CIC: variants seen among roughly 807,000 people sequenced by gnomAD.
The protein encoded by CIC is protein capicua homolog.
A neutral mutation model predicts 115.7 loss-of-function variants in CIC; 18 were observed. The observed-to-expected ratio is 0.16, with a 90% CI of 0.11 to 0.23. The LOEUF (loss-of-function observed/expected upper bound fraction) is 0.23, where lower values mean the gene tolerates loss of function less well. CIC is among the 10% of genes least tolerant of loss of function. The probability of loss-of-function intolerance (pLI) is 1.00; values close to 1 mark genes in which losing one functional copy is unlikely to be tolerated. For missense variants in CIC, 2,000 were observed against 2,159.3 expected (o/e 0.93, Z 1.46); for synonymous variants, 1,076 against 923.0 (o/e 1.17, Z -3.01).
rs775237287 is a variant in CIC at position 42,292,098 on chromosome 19, A to T, written c.5626A>T (p.Thr1876Ser). 2.5e-6 allele frequency: 4 copies of T among 1,613,166 alleles called. No homozygotes were observed. The highest frequency in any genetic ancestry group is 3.4e-6 in the Non-Finnish European group (4 of 1,179,892). The change falls in exon 13 of 21, where the codon ACC becomes TCC. Residue 1876 changes from threonine to serine, a missense_variant. Transcript: ENST00000681038. ...AQPPSKIIQL[T>S]PVPVSTPSGL... ...CCCTTCTCCACAGATCATCCAGCTGACCCCGGTGCCTGTGAGCACACCCAG... is the reference window on the plus strand; with the variant it reads ...CCCTTCTCCACAGATCATCCAGCTGTCCCCGGTGCCTGTGAGCACACCCAG...
In CIC at chr19:42,290,891, G is replaced by A. The variant is rs1447243957; in HGVS notation, c.4850G>A (p.Arg1617Lys). The change falls in exon 11 of 21, where the codon AGG becomes AAG. Residue 1617 changes from arginine (R) to lysine (K), a missense_variant. Around this residue, in one of 8 missense-constraint regions of CIC, gnomAD observed 1,466 missense variants for 1,390.4 expected, o/e 1.05. Coordinates refer to ENST00000681038, the MANE Select transcript of CIC (RefSeq NM_001386298.1). ...EASPNDTAGA[R>K]TEMGTGSRVP... ...TCTCCAAATGACACAGCAGGTGCCA[G>A]GACTGAAATGGGCACTGGGTCTCGG... 1.2e-6 allele frequency: 2 copies of A among 1,613,272 alleles called. No homozygotes were observed. Among genetic ancestry groups the A allele is most frequent in the African/African-American group, 1.3e-5 (1 of 74,940 alleles).
At chr19:42,288,771 C>T (rs985971667) in intron 7 of CIC, 117 bp from the exon 8 acceptor site, 4 of 903,494 alleles carry the variant, frequency 4.4e-6, no homozygotes, top group Admixed American at 4.0e-5. Context: ...CACCAAGTGG[C>T]CCAGAAATTC....
rs143623952 is a variant in CIC at position 42,291,849 on chromosome 19, C to A, written c.5613+104C>A. The A allele has an allele frequency of 7.0e-4, 1,012 of 1,452,052 alleles. 5 individuals are homozygous for A. In the African/African-American group the frequency reaches 0.013, roughly 18 times the overall value. 89.9% of individuals were successfully genotyped at this position (1,452,052 alleles called of 1,614,324 possible). ...TTTCTCCTTCTCCATGTATCTGGTT[C>A]TCTGTCTTGCCATCTTCCGTGATGT... On this transcript the variant is annotated intron_variant, in intron 12 of 20. Transcript: ENST00000681038.
chr19:42,284,057 T>C (rs998957646), intron 2 of CIC: 1 of 129,796 alleles, frequency 7.7e-6, no homozygotes. Flanking sequence ...CGCGTAGTAG[T>C]GGCGGGGCGG....
Position 42,273,367 on chromosome 19 carries a change from A to G in CIC, c.1584A>G (p.Arg528=), listed in dbSNP as rs1454700855. 1 of 398,454 alleles carries G rather than the reference A, an allele frequency of 2.5e-6. No individual in the cohort carries two copies. The highest frequency in any genetic ancestry group is 4.4e-6 in the Non-Finnish European group (1 of 225,950). 24.7% of individuals were successfully genotyped at this position (398,454 alleles called of 1,614,324 possible). ...RGYCSRHLSM[R]TKEMEGLADS... is the part of the protein sequence containing the mutation. ...ACTGCTCACGCCACCTGTCCATGCGAACCAAAGAGATGGAAGGCCTGGCAG... is the reference window on the plus strand; with the variant it reads ...ACTGCTCACGCCACCTGTCCATGCGGACCAAAGAGATGGAAGGCCTGGCAG... The change falls in exon 2 of 21, where the codon CGA becomes CGG. Residue 528 remains arginine, a synonymous_variant. Coordinates refer to ENST00000681038, the MANE Select transcript of CIC (RefSeq NM_001386298.1).
rs999900414 is a variant in CIC, at chr19:42,273,135, G to A, written c.1352G>A (p.Gly451Asp). ...PSPCQEGSQG[G>D]SRSSSVASLE... ...CCCTGCCAGGAGGGGAGCCAGGGCG[G>A]CAGCCGCAGCAGCAGCGTGGCCTCC... The change falls in exon 2 of 21, where the codon GGC (glycine) becomes GAC (aspartate). Residue 451 changes from glycine (G) to aspartate (D), a missense_variant. Around this residue, in one of 8 missense-constraint regions of CIC, gnomAD observed 222 missense variants for 247.7 expected, o/e 0.90. Coordinates refer to ENST00000681038, the MANE Select transcript of CIC (RefSeq NM_001386298.1). 1 of 398,326 alleles carries A rather than the reference G, an allele frequency of 2.5e-6. No individual in the cohort carries two copies. The highest frequency in any genetic ancestry group is 1.3e-4 in the South Asian group (1 of 7,910). 24.7% of individuals were successfully genotyped at this position (398,326 alleles called of 1,614,324 possible).
At chr19:42,275,320 G>A (rs531471315) in intron 2 of CIC, among the ~76,000 whole-genome samples, 3 of 152,362 alleles carry the variant, frequency 2.0e-5, no homozygotes, top group African/African-American at 7.2e-5. Flanking sequence ...GGAAGGCAGC[G>A]GGGGTGTGCT....
At chr19:42,289,542 C>A in intron 9 of CIC, 136 bp downstream of exon 9, 1 of 1,034,916 alleles carries the variant, frequency 9.7e-7, no homozygotes, top group Non-Finnish European at 1.5e-6. Flanking sequence ...GTGGCCAGTT[C>A]AGGCCCTGCC....
intron 7 of CIC, 99 bp downstream of exon 7, chr19:42,288,074 C>T (rs2037783899): frequency 1.4e-6 from 2 of 1,382,458 alleles, no homozygotes; most frequent in Non-Finnish European, 2.0e-6. Flanking sequence ...CAGCTCCTCT[C>T]TGCTCTATCG....
At position 42,290,696 on chromosome 19, in the gene CIC, G is replaced by T. The variant is rs1283236856; in HGVS notation, c.4655G>T (p.Gly1552Val). The T allele has an allele frequency of 1.2e-6, 2 of 1,612,956 alleles. No individual in the cohort carries two copies. Among genetic ancestry groups the T allele is most frequent in the East Asian group, 2.2e-5 (1 of 44,876 alleles). ...CCAAACAAGGAGGAGCAAGAGGGCG[G>T]CGGAGCCAGAGTGCCCTCCGCCCCC... ...LPPNKEEQEG[G>V]GARVPSAPAP... The change falls in exon 11 of 21, where the codon GGC becomes GTC. Residue 1552 changes from glycine to valine, a missense_variant. Physicochemically the swap from Gly to Val is moderately radical, Grantham distance 109 (BLOSUM62 -3). Coordinates refer to ENST00000681038, the MANE Select transcript of CIC (RefSeq NM_001386298.1).
In CIC at chr19:42,270,713, G is replaced by A. The variant is rs1167060249; in HGVS notation, c.-10-1061G>A. ...CGGGGATGCATGCAGGCAAGAAGAG[G>A]GGGGCTGGGCTTGCGGGTATCACGC... On this transcript the variant is annotated intron_variant, in intron 1 of 20. Coordinates refer to ENST00000681038, the MANE Select transcript of CIC (RefSeq NM_001386298.1). This position sits in a 1 kb window ranked among gnomAD's most constrained non-coding sequence, Gnocchi z 4.1. Among the ~76,000 whole-genome samples the A allele has an allele frequency of 3.9e-5, 6 of 152,120 alleles. No individual in the cohort carries two copies. The highest frequency in any genetic ancestry group is 7.4e-5 in the Non-Finnish European group (5 of 68,014).
rs1321316697 is a variant in CIC at position 42,293,735 on chromosome 19, G to A, written c.6666G>A (p.Arg2222=). The change falls in exon 17 of 21, where the codon CGG becomes CGA. Residue 2222 remains arginine (R), a synonymous_variant. Transcript: ENST00000681038. ...GCAGCAGCGAGAGCAGCAGTGGGCG[G>A]GCAGCCGGGGACACCCCGGAGCGCA... The part of the protein sequence containing the change: ...PGGSSESSSG[R]AAGDTPERKE... 6.2e-7 allele frequency: 1 copy of A among 1,612,874 alleles called. No individual in the cohort carries two copies. Among genetic ancestry groups the A allele is most frequent in the Admixed American group, 1.7e-5 (1 of 60,014 alleles).
intron 2 of CIC, among the ~76,000 whole-genome samples, chr19:42,282,320 T>C (rs967905180): frequency 6.6e-6 from 1 of 152,150 alleles, no homozygotes; most frequent in African/African-American, 2.4e-5. Context: ...ATGAGGCAGG[T>C]TGGGGAAAGG....
chr19:42,273,235 C>T lies in CIC; in HGVS notation c.1452C>T (p.Gly484=), dbSNP rs1363684957. Residue 484 remains glycine, a synonymous_variant, in exon 2 of 21, where the codon GGC becomes GGT. Coordinates refer to ENST00000681038, the MANE Select transcript of CIC (RefSeq NM_001386298.1). Reference sequence around the variant, plus strand: ...CCGCCCAGCAGAAGTACAAGAAGGGCGATGTGGTCTGCACACCCAGCGGAA... The same window carrying T: ...CCGCCCAGCAGAAGTACAAGAAGGGTGATGTGGTCTGCACACCCAGCGGAA... The part of the protein sequence containing the change: ...LTAAQQKYKK[G]DVVCTPSGIR... 1.8e-5 allele frequency: 7 copies of T among 398,518 alleles called. No individual in the cohort carries two copies. In the East Asian group the frequency reaches 1.8e-4, roughly 10 times the overall value. The allele number at this position is 398,518 out of a possible 1,614,324, so 24.7% of individuals were successfully genotyped here.
intron 10 of CIC, 81 bp downstream of exon 10, chr19:42,290,032 A>G: frequency 2.1e-6 from 3 of 1,437,330 alleles, no homozygotes; most frequent in Non-Finnish European, 2.9e-6. Flanking sequence ...GGCTTGAGAG[A>G]GGGGGAGATT....
intron 2 of CIC, among the ~76,000 whole-genome samples, chr19:42,278,155 T>C (rs558231754): frequency 6.6e-6 from 1 of 152,360 alleles, no homozygotes; most frequent in Non-Finnish European, 1.5e-5. Flanking sequence ...CTCCACATTC[T>C]GTGCATGGCA....
At chr19:42,284,123 C>T (rs2037417605) in intron 2 of CIC, 1 of 148,064 alleles carries the variant, frequency 6.8e-6, no homozygotes. Context: ...CGCACGCACG[C>T]TGGTCCGTCT....
In CIC at chr19:42,294,818, C is replaced by T. The variant is rs2147353615; in HGVS notation, c.7187-6C>T. The T allele has an allele frequency of 6.2e-7, 1 of 1,603,850 alleles. No homozygotes were observed. Among genetic ancestry groups the T allele is most frequent in the South Asian group, 1.1e-5 (1 of 91,088 alleles). ...CCTGTGCTCCCCACCGTTTTTCTATCTCCAGCCCAGGCCACAGCCGCCTTC... is the reference window on the plus strand; with the variant it reads ...CCTGTGCTCCCCACCGTTTTTCTATTTCCAGCCCAGGCCACAGCCGCCTTC... On this transcript the variant is annotated splice_region_variant and splice_polypyrimidine_tract_variant and intron_variant, in intron 20 of 20. Transcript: ENST00000681038.
At chr19:42,276,766 C>G (rs755743928) in intron 2 of CIC, among the ~76,000 whole-genome samples, 1 of 152,152 alleles carries the variant, frequency 6.6e-6, no homozygotes, top group African/African-American at 2.4e-5. Flanking sequence ...TTCACCCCCC[C>G]ATATGCCCAC....
Sources: gnomAD v4.1 joint callset for allele counts (sites outside exome capture counted in the v4.1 genomes callset) on GRCh38, gnomAD v4.1.1 for gene constraint, gnomAD v4.1.1 regional missense constraint, Gnocchi (gnomAD v3.1) non-coding constraint, MANE v1.5 for transcripts, NCBI Gene and HGNC (gene_info 2026-07-23, HGNC 2026-07-21) for gene names.